Variants in ABHD2 observed in about 807,000 individuals in gnomAD.
ABHD2 encodes monoacylglycerol lipase ABHD2.
Under a neutral mutation model 48.1 loss-of-function variants are expected in ABHD2, and 20 were observed. That is an observed-to-expected ratio of 0.42 (90% CI 0.29 to 0.60). ABHD2 has a LOEUF of 0.60. Ranked by LOEUF, ABHD2 falls within the 20% of genes least tolerant of loss-of-function variation. The pLI is 0.24. For synonymous variants in ABHD2, 209 were observed against 214.2 expected (o/e 0.98, Z 0.21); for missense variants, 405 against 550.9 (o/e 0.74, Z 2.65).
chr15:89,063,492 G>A, the ABHD2 span, among the ~76,000 whole-genome samples: 29 of 151,792 alleles, frequency 1.9e-4, no homozygotes, highest in East Asian at 1.2e-3. Context: ...CTATATATGC[G>A]TTCTCAACTA....
Position 89,114,431 on chromosome 15 carries a change from C to T in ABHD2, c.-7+607C>T, listed in dbSNP as rs561454692. ...TATAGACAGCTTTCAGGGGATATGA[C>T]CCCAGGAGTGAGGAGGAGTGTCACC... is the stretch of plus-strand genomic sequence containing the variant. On this transcript the variant is annotated intron_variant, in intron 2 of 10. Coordinates refer to ENST00000352732, the MANE Select transcript of ABHD2 (RefSeq NM_152924.5). The surrounding 1 kb of genome is among the most constrained non-coding windows in gnomAD (Gnocchi z 4.2). 1.3e-5 allele frequency among the ~76,000 whole-genome samples: 2 copies of T among 152,198 alleles called. No homozygotes were observed. The highest frequency in any genetic ancestry group is 1.9e-4 in the East Asian group (1 of 5,178).
At chr15:89,158,986 T>C (rs1354046854) in intron 5 of ABHD2, among the ~76,000 whole-genome samples, 2 of 152,050 alleles carry the variant, frequency 1.3e-5, no homozygotes, top group Non-Finnish European at 2.9e-5. Context: ...TTCAAATACT[T>C]GAAGGTATAT....
In ABHD2 at chr15:89,155,473, G is replaced by A; in HGVS notation, c.477G>A (p.Val159=). 4 of 1,614,174 alleles carry A rather than the reference G, an allele frequency of 2.5e-6. No homozygotes were observed. The highest frequency in any genetic ancestry group is 3.4e-6 in the Non-Finnish European group (4 of 1,180,006). ...AGAAAAATGGCTATCGGTGCGCCGT[G>A]CTGAACCACCTGGGTGCCCTGCCCA... is the stretch of plus-strand genomic sequence containing the variant. ...YAQKNGYRCA[V]LNHLGALPNI... The change falls in exon 5 of 11, where the codon GTG becomes GTA. Residue 159 remains valine (V), a synonymous_variant. Transcript: ENST00000352732. This position sits in a 1 kb window ranked among gnomAD's most constrained non-coding sequence, Gnocchi z 4.9.
chr15:89,096,870 T>A (rs2150778196), intron 1 of ABHD2, among the ~76,000 whole-genome samples: 1 of 152,340 alleles, frequency 6.6e-6, no homozygotes, highest in Admixed American at 6.5e-5. Context: ...TTTCTCTGTT[T>A]CTTTTTGTTT....
chr15:89,127,706 C>CATACATATATATATATAT (rs58331064), intron 3 of ABHD2, among the ~76,000 whole-genome samples: 28 of 129,896 alleles, frequency 2.2e-4, no homozygotes, highest in African/African-American at 9.7e-4. Context: ...TATATATATA[C>CATACATATATATATATAT]ATATATATAT....
chr15:89,113,794 G>GT lies in ABHD2; in HGVS notation c.-36dup, dbSNP rs917499003. 1 of 152,160 alleles carries GT rather than the reference G, an allele frequency of 6.6e-6. No individual in the cohort carries two copies. The highest frequency in any genetic ancestry group is 1.5e-5 in the Non-Finnish European group (1 of 68,034). The allele number at this position is 152,160 out of a possible 1,614,324, so 9.4% of individuals were successfully genotyped here. On this transcript the variant is annotated 5_prime_UTR_variant, in exon 2 of 11. Coordinates refer to ENST00000352732, the MANE Select transcript of ABHD2 (RefSeq NM_152924.5). ...CTGTACAACTCTTCAAGGAAAATTCGTATTTGCAGTGGGAAGAATAAGTAA... is the reference window on the plus strand; with the variant it reads ...CTGTACAACTCTTCAAGGAAAATTCGTTATTTGCAGTGGGAAGAATAAGTAA...
In ABHD2 at chr15:89,092,558, G is replaced by T. The variant is rs1187895832; in HGVS notation, c.-107+3995G>T. The stretch of plus-strand genomic sequence containing the variant: ...AGAAAATTTTTTAAAGGCACAAAAG[G>T]TTAACTAGTAAATACATCTGTGTGT... On this transcript the variant is annotated intron_variant, in intron 1 of 10. Coordinates refer to ENST00000352732, the MANE Select transcript of ABHD2 (RefSeq NM_152924.5). This position sits in a 1 kb window ranked among gnomAD's most constrained non-coding sequence, Gnocchi z 4.4. Among the ~76,000 whole-genome samples the T allele has an allele frequency of 1.3e-5, 2 of 152,182 alleles. No individual in the cohort carries two copies. Among genetic ancestry groups the T allele is most frequent in the Admixed American group, 6.5e-5 (1 of 15,280 alleles).
Position 89,120,721 on chromosome 15 carries a change from G to A in ABHD2, c.194+4200G>A, listed in dbSNP as rs1264094971. The stretch of plus-strand genomic sequence containing the variant: ...AGGCTGGTCTTGAACTGTTGACCTC[G>A]TGATCCGCCCGCCTCGGCCTTCCAA... On this transcript the variant is annotated intron_variant, in intron 3 of 10. Coordinates refer to ENST00000352732, the MANE Select transcript of ABHD2 (RefSeq NM_152924.5). This position sits in a 1 kb window ranked among gnomAD's most constrained non-coding sequence, Gnocchi z 4.2. The A allele has an allele frequency of 2.0e-5, 3 of 152,158 alleles. No individual in the cohort carries two copies. The highest frequency in any genetic ancestry group is 4.4e-5 in the Non-Finnish European group (3 of 68,044). The allele number at this position is 152,158 out of a possible 1,614,324, so 9.4% of individuals were successfully genotyped here.
chr15:89,051,475 G>A, the ABHD2 span, among the ~76,000 whole-genome samples: 8 of 152,242 alleles, frequency 5.3e-5, no homozygotes, highest in South Asian at 1.4e-3. Flanking sequence ...ATGGCTCAAG[G>A]GAGGGACAGA....
chr15:89,157,196 A>G (rs1168342934), intron 5 of ABHD2, among the ~76,000 whole-genome samples: 1 of 152,222 alleles, frequency 6.6e-6, no homozygotes. Context: ...CAATGCTGTA[A>G]ATACTGTGTC....
chr15:89,115,060 A>T (rs2049933485), intron 2 of ABHD2, among the ~76,000 whole-genome samples: 1 of 152,198 alleles, frequency 6.6e-6, no homozygotes, highest in Non-Finnish European at 1.5e-5. Context: ...AGGAAAGTTC[A>T]GTCGGTTATA....
At chr15:89,125,211 G>T (rs936233191) in intron 3 of ABHD2, among the ~76,000 whole-genome samples, 4 of 151,802 alleles carry the variant, frequency 2.6e-5, no homozygotes, top group Admixed American at 2.6e-4. Flanking sequence ...AGCCGACATT[G>T]CGCCACTGCA....
the ABHD2 span, among the ~76,000 whole-genome samples, chr15:89,052,822 G>A: frequency 2.0e-5 from 3 of 152,064 alleles, no homozygotes; most frequent in South Asian, 2.1e-4. Context: ...TCCTCATGGC[G>A]CCCCTTCCCT....
rs1360092846 is a variant in ABHD2 at position 89,094,672 on chromosome 15, C to T, written c.-107+6109C>T. Reference sequence around the variant, plus strand: ...GCCGTGAGCCAAGATCGCACCACTGCACTCCAGCCTGGGCGGCAGAGCAAG... The same window carrying T: ...GCCGTGAGCCAAGATCGCACCACTGTACTCCAGCCTGGGCGGCAGAGCAAG... On this transcript the variant is annotated intron_variant, in intron 1 of 10. Transcript: ENST00000352732. The surrounding 1 kb of genome is among the most constrained non-coding windows in gnomAD (Gnocchi z 4.7). Among the ~76,000 whole-genome samples the T allele has an allele frequency of 1.3e-5, 2 of 151,816 alleles. No homozygotes were observed. The highest frequency in any genetic ancestry group is 2.9e-5 in the Non-Finnish European group (2 of 67,884).
rs2049584621 is a variant in ABHD2 at position 89,094,735 on chromosome 15, A to G, written c.-107+6172A>G. On this transcript the variant is annotated intron_variant, in intron 1 of 10. Transcript: ENST00000352732. The surrounding 1 kb of genome is among the most constrained non-coding windows in gnomAD (Gnocchi z 4.7). ...AACAGCAACAACAACAACAACAAAA[A>G]CAAATAAGGAAATACAAAAGCCCTG... 2.0e-5 allele frequency among the ~76,000 whole-genome samples: 3 copies of G among 151,396 alleles called. No homozygotes were observed. The highest frequency in any genetic ancestry group is 7.3e-5 in the African/African-American group (3 of 41,196).
At chr15:89,056,204 C>G in the ABHD2 span, among the ~76,000 whole-genome samples, 4 of 151,992 alleles carry the variant, frequency 2.6e-5, no homozygotes, top group Non-Finnish European at 5.9e-5. Context: ...AATCCCTCTA[C>G]GAATTTTTAA....
Position 89,146,684 on chromosome 15 carries a change from C to G in ABHD2, c.195-4993C>G, listed in dbSNP as rs898174489. Among the ~76,000 whole-genome samples, 1 of 152,058 alleles carries G rather than the reference C, an allele frequency of 6.6e-6. No individual in the cohort carries two copies. Among genetic ancestry groups the G allele is most frequent in the African/African-American group, 2.4e-5 (1 of 41,394 alleles). ...GGTAAAACATGCCCAGATGCTTCAACTCAAGAATAGCTTTAAAAAATACAG... is the reference window on the plus strand; with the variant it reads ...GGTAAAACATGCCCAGATGCTTCAAGTCAAGAATAGCTTTAAAAAATACAG... On this transcript the variant is annotated intron_variant, in intron 3 of 10. Coordinates refer to ENST00000352732, the MANE Select transcript of ABHD2 (RefSeq NM_152924.5). The surrounding 1 kb of genome is among the most constrained non-coding windows in gnomAD (Gnocchi z 4.2).
chr15:89,108,281 CCTCTT>C (rs1203020603), intron 1 of ABHD2, among the ~76,000 whole-genome samples: 1 of 152,196 alleles, frequency 6.6e-6, no homozygotes, highest in Non-Finnish European at 1.5e-5. Context: ...CTGCTTGTCT[CCTCTT>C]CTGATGGTTG....
rs2049758422 is a variant in ABHD2, at chr15:89,104,853, A to C, written c.-106-8872A>C. On this transcript the variant is annotated intron_variant, in intron 1 of 10. Coordinates refer to ENST00000352732, the MANE Select transcript of ABHD2 (RefSeq NM_152924.5). This position sits in a 1 kb window ranked among gnomAD's most constrained non-coding sequence, Gnocchi z 4.4. The stretch of plus-strand genomic sequence containing the variant: ...TCAATCTGGAGATGCCCTCTTCTTC[A>C]GTTGTATCCTTCTCTTAAAAATTCC... Among the ~76,000 whole-genome samples, 1 of 152,292 alleles carries C rather than the reference A, an allele frequency of 6.6e-6. No individual in the cohort carries two copies. The highest frequency in any genetic ancestry group is 2.4e-5 in the African/African-American group (1 of 41,562).
Sources: gnomAD v4.1 joint callset for allele counts (sites outside exome capture counted in the v4.1 genomes callset) on GRCh38, gnomAD v4.1.1 for gene constraint, Gnocchi (gnomAD v3.1) non-coding constraint, MANE v1.5 for transcripts, NCBI Gene and HGNC (gene_info 2026-07-23, HGNC 2026-07-21) for gene names.